PCDHA1: variants seen among roughly 807,000 people sequenced by gnomAD.
PCDHA1 encodes the protein protocadherin alpha-1.
PCDHA1 carries 42 observed loss-of-function variants against 61.3 expected under a neutral mutation model. The observed-to-expected ratio is 0.69, with a 90% CI of 0.54 to 0.89. The LOEUF is 0.89. PCDHA1 is among the 40% of genes least tolerant of loss of function. PCDHA1 has a pLI of 0.00. For synonymous variants in PCDHA1, 610 were observed against 553.8 expected, an observed-to-expected ratio of 1.10 and a Z score of -1.43; for missense variants, 1,256 against 1,235.3, an observed-to-expected ratio of 1.02 and a Z score of -0.25.
At chr5:140,876,868 G>A in intron 1 of PCDHA1, 7 of 1,614,160 alleles carry the variant, frequency 4.3e-6, no homozygotes, top group Non-Finnish European at 5.9e-6. Context: ...GTTCGTGAAG[G>A]AGAACAACCC....
chr5:140,850,612 C>T (rs1411031639), intron 1 of PCDHA1: 8 of 1,598,454 alleles, frequency 5.0e-6, no homozygotes, highest in Non-Finnish European at 6.8e-6. Context: ...GCCATCTGCG[C>T]GGTGTCTAGC....
In PCDHA1 at chr5:140,836,149, A is replaced by C. The variant is rs1463857547; in HGVS notation, c.2394+47465A>C. On this transcript the variant is annotated intron_variant, in intron 1 of 3. Coordinates refer to ENST00000504120, the MANE Select transcript of PCDHA1 (RefSeq NM_018900.4). Reference sequence around the variant, plus strand: ...GTGCCGCGGTCTGTGGGCGCGGGCCATGTGGTGGCGAAGGTACGTGCAGTT... The same window carrying C: ...GTGCCGCGGTCTGTGGGCGCGGGCCCTGTGGTGGCGAAGGTACGTGCAGTT... The C allele has an allele frequency of 1.2e-6, 2 of 1,613,636 alleles. No homozygotes were observed. The highest frequency in any genetic ancestry group is 1.7e-6 in the Non-Finnish European group (2 of 1,179,796).
chr5:140,807,738 C>T (rs1764021976), intron 1 of PCDHA1: 1 of 1,614,082 alleles, frequency 6.2e-7, no homozygotes, highest in African/African-American at 1.3e-5. Flanking sequence ...GAAAAACCAC[C>T]TGATGACGAG....
At chr5:140,843,337 C>T in intron 1 of PCDHA1, 4 of 1,596,000 alleles carry the variant, frequency 2.5e-6, no homozygotes, top group Non-Finnish European at 8.6e-7. Context: ...TGGTGGAGAG[C>T]GGCCAGGCTC....
intron 1 of PCDHA1, among the ~76,000 whole-genome samples, chr5:140,909,441 C>T (rs971678951): frequency 6.6e-6 from 1 of 152,214 alleles, no homozygotes; most frequent in Non-Finnish European, 1.5e-5. Context: ...AATCCACTGT[C>T]ATTCTCCAAG....
chr5:140,808,817 C>T, intron 1 of PCDHA1: 3 of 1,612,850 alleles, frequency 1.9e-6, no homozygotes, highest in Non-Finnish European at 1.7e-6. Context: ...CGGCGTGCCA[C>T]CTCTGGGCAG....
At chr5:140,995,543 G>T (rs1243799532) in intron 3 of PCDHA1, among the ~76,000 whole-genome samples, 1 of 152,144 alleles carries the variant, frequency 6.6e-6, no homozygotes, top group African/African-American at 2.4e-5. Flanking sequence ...AATAAGGGGC[G>T]ATCACTGTAC....
intron 1 of PCDHA1, among the ~76,000 whole-genome samples, chr5:140,905,999 G>T (rs781796509): frequency 1.3e-5 from 2 of 152,140 alleles, no homozygotes; most frequent in Non-Finnish European, 2.9e-5. Flanking sequence ...AGGCTGGGAG[G>T]CTAAGCCAGT....
intron 1 of PCDHA1, chr5:140,876,188 G>T: frequency 6.2e-7 from 1 of 1,613,944 alleles, no homozygotes; most frequent in South Asian, 1.1e-5. Flanking sequence ...AATGACAATG[G>T]TCCGGCGTTT....
intron 1 of PCDHA1, among the ~76,000 whole-genome samples, chr5:140,938,547 C>CTTTTA (rs59072362): frequency 0.32 from 48,749 of 151,290 alleles, 8,071 homozygotes; most frequent in East Asian, 0.53. Flanking sequence ...GATTTTTATC[C>CTTTTA]TTTTATTAAT....
At chr5:140,869,140 C>A in intron 1 of PCDHA1, 8 of 1,613,188 alleles carry the variant, frequency 5.0e-6, no homozygotes, top group African/African-American at 1.3e-5. Context: ...GGGCACCCCA[C>A]GACTACAGCT....
intron 1 of PCDHA1, among the ~76,000 whole-genome samples, chr5:140,831,520 C>CT (rs2150195630): frequency 0.01 from 1,282 of 122,330 alleles, 10 homozygotes; most frequent in East Asian, 0.043. Flanking sequence ...TGCCCCCCAC[C>CT]TTTTTTTTTT....
intron 1 of PCDHA1, chr5:140,828,554 G>A: frequency 6.2e-7 from 1 of 1,614,212 alleles, no homozygotes; most frequent in South Asian, 1.1e-5. Flanking sequence ...GTTTCCACTG[G>A]AGGGCGCGTC....
intron 1 of PCDHA1, among the ~76,000 whole-genome samples, chr5:140,844,649 T>G (rs1416986157): frequency 6.7e-6 from 1 of 149,658 alleles, no homozygotes; most frequent in Non-Finnish European, 1.5e-5. Flanking sequence ...AATTTCATTC[T>G]TGCAAACCAA....
At chr5:140,946,287 A>G (rs1484519782) in intron 1 of PCDHA1, among the ~76,000 whole-genome samples, 1 of 152,032 alleles carries the variant, frequency 6.6e-6, no homozygotes, top group African/African-American at 2.4e-5. Flanking sequence ...ATGAGATATC[A>G]CCTCACACCT....
At chr5:140,887,982 A>T (rs1372528675) in intron 1 of PCDHA1, among the ~76,000 whole-genome samples, 1 of 152,180 alleles carries the variant, frequency 6.6e-6, no homozygotes, top group African/African-American at 2.4e-5. Flanking sequence ...AATTTATTTT[A>T]CATGTCTCCA....
At chr5:140,882,201 C>T in intron 1 of PCDHA1, 1 of 1,528,460 alleles carries the variant, frequency 6.5e-7, no homozygotes, top group Non-Finnish European at 8.8e-7. Context: ...AAAATTGGGC[C>T]TTGAGAGACA....
At chr5:141,003,771 T>G (rs1301111940) in intron 3 of PCDHA1, among the ~76,000 whole-genome samples, 4 of 152,250 alleles carry the variant, frequency 2.6e-5, no homozygotes, top group African/African-American at 9.6e-5. Context: ...CGTATTCTGT[T>G]AAATAAACTT....
intron 1 of PCDHA1, chr5:140,834,255 C>A: frequency 2.1e-6 from 2 of 936,844 alleles, no homozygotes; most frequent in Non-Finnish European, 3.2e-6. Context: ...TGGAAAGACG[C>A]TCCACTCTCT....
Sources: allele counts gnomAD v4.1 joint callset (sites outside exome capture counted in the v4.1 genomes callset), GRCh38; gene constraint gnomAD v4.1.1; transcripts MANE v1.5; gene names NCBI Gene and HGNC (gene_info 2026-07-23, HGNC 2026-07-21).